Variants in DHX37 observed in about 807,000 individuals in gnomAD.
DHX37 encodes DEAH-box helicase 37, also known as probable ATP-dependent RNA helicase DHX37.
In DHX37, 52 loss-of-function variants were observed where a neutral mutation model predicts 134.3. That is an observed-to-expected ratio of 0.39 (90% CI 0.31 to 0.49). DHX37 has a LOEUF of 0.49. Ranked by LOEUF, DHX37 falls within the 20% of genes least tolerant of loss-of-function variation. The pLI is 0.93. For synonymous variants in DHX37, 634 were observed against 670.7 expected, an observed-to-expected ratio of 0.95 and a Z score of 0.85; for missense variants, 1,344 against 1,580.8, an observed-to-expected ratio of 0.85 and a Z score of 2.54.
intron 16 of DHX37, among the ~76,000 whole-genome samples, chr12:124,958,299 G>A (rs1295983684): frequency 6.6e-6 from 1 of 152,174 alleles, no homozygotes; most frequent in African/African-American, 2.4e-5. Flanking sequence ...GGCAATGCTA[G>A]GAACCCAGGT....
At position 124,956,833 on chromosome 12, in the gene DHX37, G is replaced by A. The variant is rs1954106841; in HGVS notation, c.2311C>T (p.Leu771=). 1.2e-6 allele frequency: 2 copies of A among 1,608,802 alleles called. No individual in the cohort carries two copies. Among genetic ancestry groups the A allele is most frequent in the African/African-American group, 1.3e-5 (1 of 74,660 alleles). ...ENRLSCPITA[L]GRTMATFPVA... ...GGGAATGTGGCCATTGTCCGGCCCAGCGCAGTGATGGGGCAGCTCAGCCGG... is the reference window on the plus strand; with the variant it reads ...GGGAATGTGGCCATTGTCCGGCCCAACGCAGTGATGGGGCAGCTCAGCCGG... Residue 771 remains leucine, a synonymous_variant, in exon 18 of 27, where the codon CTG becomes TTG. Transcript: ENST00000308736.
rs536894388 is a variant in DHX37, at chr12:124,956,632, G to A, written c.2453+59C>T. ...GCCTCCTGAGTAGCTGGGACTCTCA[G>A]CCCAGAGCCCCCGTCGGAACTGAGC... On this transcript the variant is annotated intron_variant, in intron 18 of 26. Coordinates refer to ENST00000308736, the MANE Select transcript of DHX37 (RefSeq NM_032656.4). 4 of 1,478,186 alleles carry A rather than the reference G, an allele frequency of 2.7e-6. No homozygotes were observed. In the East Asian group the frequency reaches 7.5e-5, roughly 28 times the overall value. 91.6% of individuals were successfully genotyped at this position (1,478,186 alleles called of 1,614,324 possible). A position where few individuals can be genotyped will look rare whatever the true frequency, so the allele number is the denominator to read the frequency against.
intron 8 of DHX37, among the ~76,000 whole-genome samples, chr12:124,970,712 G>A (rs1954500266): frequency 6.6e-6 from 1 of 152,234 alleles, no homozygotes; most frequent in Non-Finnish European, 1.5e-5. Flanking sequence ...GAACAAGACA[G>A]CGTCTTGTTC....
chr12:124,954,169 C>T lies in DHX37; in HGVS notation c.2496G>A (p.Lys832=). ...TCTTCATCTGGGCCACCCGGGCCCGCTTGCTCTTCAGCCTGGTGAGCTCCT... is the reference window on the plus strand; with the variant it reads ...TCTTCATCTGGGCCACCCGGGCCCGTTTGCTCTTCAGCCTGGTGAGCTCCT... The part of the protein sequence containing the change: ...SDEELTRLKS[K]RARVAQMKRT... Residue 832 remains lysine (K), a synonymous_variant, in exon 19 of 27, where the codon AAG becomes AAA. Coordinates refer to ENST00000308736, the MANE Select transcript of DHX37 (RefSeq NM_032656.4). 1 of 1,611,676 alleles carries T rather than the reference C, an allele frequency of 6.2e-7. No homozygotes were observed. Among genetic ancestry groups the T allele is most frequent in the Non-Finnish European group, 8.5e-7 (1 of 1,179,106 alleles).
intron 4 of DHX37, among the ~76,000 whole-genome samples, chr12:124,978,236 C>T (rs377559439): frequency 9.2e-5 from 14 of 151,976 alleles, no homozygotes; most frequent in African/African-American, 3.4e-4. Flanking sequence ...GCTGGGATTA[C>T]AGGCATGAGC....
At position 124,949,492 on chromosome 12, in the gene DHX37, G is replaced by A. The variant is rs970069323; in HGVS notation, c.3290+494C>T. ...CTGCTTAGCTGGGAGGAAGTCCCCAGGGCCAGGAGGGCAGGATGCCTCCCA... is the reference window on the plus strand; with the variant it reads ...CTGCTTAGCTGGGAGGAAGTCCCCAAGGCCAGGAGGGCAGGATGCCTCCCA... On this transcript the variant is annotated intron_variant, in intron 25 of 26. Coordinates refer to ENST00000308736, the MANE Select transcript of DHX37 (RefSeq NM_032656.4). The surrounding 1 kb of genome is among the most constrained non-coding windows in gnomAD (Gnocchi z 4.0). Among the ~76,000 whole-genome samples the A allele has an allele frequency of 9.2e-5, 14 of 152,126 alleles. No individual in the cohort carries two copies. Among genetic ancestry groups the A allele is most frequent in the Non-Finnish European group, 1.9e-4 (13 of 68,002 alleles).
chr12:124,955,876 C>G (rs1954082844), intron 18 of DHX37, among the ~76,000 whole-genome samples: 1 of 151,248 alleles, frequency 6.6e-6, no homozygotes, highest in Non-Finnish European at 1.5e-5. Context: ...ATGGAATGGC[C>G]CATGCAGTGA....
chr12:124,955,020 G>A (rs138827175), intron 18 of DHX37, among the ~76,000 whole-genome samples: 5 of 152,324 alleles, frequency 3.3e-5, no homozygotes, highest in South Asian at 2.1e-4. Flanking sequence ...CAGTCACCAC[G>A]CTACAGAGCC....
At chr12:124,947,972 G>A (rs539090491) in intron 26 of DHX37, 85 bp from the exon 27 acceptor site, 40 of 1,612,144 alleles carry the variant, frequency 2.5e-5, no homozygotes, top group Non-Finnish European at 2.1e-5. Context: ...GCCAGCAGCC[G>A]TGGGGCCAGA....
chr12:124,986,141 C>A lies in DHX37; in HGVS notation c.231G>T (p.Lys77Asn), dbSNP rs377538231. 2.2e-5 allele frequency: 35 copies of A among 1,614,100 alleles called. No individual in the cohort carries two copies. The highest frequency in any genetic ancestry group is 2.9e-5 in the Non-Finnish European group (34 of 1,180,048). ...GTTCTAAGATTTTCTGCAGCACTTT[C>A]TTCTCCTTCTTGGTCAGAGGCTTCT... is the stretch of plus-strand genomic sequence containing the variant. ...KEKKPLTKKE[K>N]KVLQKILEQK... Residue 77 changes from lysine to asparagine, a missense_variant, in exon 2 of 27, where the codon AAG (lysine) becomes AAT (asparagine). Around this residue, in one of 7 missense-constraint regions of DHX37, gnomAD observed 319 missense variants for 296.1 expected, o/e 1.08. Transcript: ENST00000308736.
rs376470858 is a variant in DHX37 at position 124,980,723 on chromosome 12, ACTCCTCCTC to A, written c.496_504del (p.Glu166_Glu168del). The A allele has an allele frequency of 7.7e-5, 118 of 1,533,472 alleles. No homozygotes were observed. Among genetic ancestry groups the A allele is most frequent in the Middle Eastern group, 5.1e-4 (3 of 5,846 alleles). 95.0% of individuals were successfully genotyped at this position (1,533,472 alleles called of 1,614,324 possible). Reference sequence around the variant, plus strand: ...GACTCCTCCTCCAGCTCCGATTCCGACTCCTCCTCCTCCTCCTCCTCCTCCTCAGCTGAG... The same window carrying A: ...GACTCCTCCTCCAGCTCCGATTCCGACTCCTCCTCCTCCTCCTCAGCTGAG... On this transcript the variant is annotated inframe_deletion, in exon 4 of 27. Coordinates refer to ENST00000308736, the MANE Select transcript of DHX37 (RefSeq NM_032656.4). This position sits in a 1 kb window ranked among gnomAD's most constrained non-coding sequence, Gnocchi z 5.3.
intron 12 of DHX37, among the ~76,000 whole-genome samples, chr12:124,966,569 G>A (rs1291253534): frequency 6.6e-6 from 1 of 152,174 alleles, no homozygotes; most frequent in African/African-American, 2.4e-5. Context: ...TCACCATGTT[G>A]CCCAAGCTGG....
intron 18 of DHX37, among the ~76,000 whole-genome samples, chr12:124,955,477 C>CT (rs982410902): frequency 2.0e-5 from 3 of 152,206 alleles, no homozygotes; most frequent in African/African-American, 7.2e-5. Flanking sequence ...ACCATGCCCG[C>CT]TTTTTGATTT....
At chr12:124,988,830 G>T in intron 1 of DHX37, 87 bp downstream of exon 1, 1 of 793,824 alleles carries the variant, frequency 1.3e-6, no homozygotes. Flanking sequence ...CCACCCCTCT[G>T]GGATCCCCAC....
intron 8 of DHX37, among the ~76,000 whole-genome samples, chr12:124,969,201 A>G (rs1240552895): frequency 1.3e-5 from 2 of 152,234 alleles, no homozygotes; most frequent in Admixed American, 1.3e-4. Flanking sequence ...ATGGTAGAAT[A>G]TGAGGCAGGT....
In DHX37 at chr12:124,950,566, G is replaced by A. The variant is rs1953957387; in HGVS notation, c.2984-16C>T. The A allele has an allele frequency of 2.6e-6, 4 of 1,545,232 alleles. No individual in the cohort carries two copies. Among genetic ancestry groups the A allele is most frequent in the South Asian group, 1.2e-5 (1 of 80,350 alleles). On this transcript the variant is annotated splice_polypyrimidine_tract_variant and intron_variant, in intron 22 of 26. Coordinates refer to ENST00000308736, the MANE Select transcript of DHX37 (RefSeq NM_032656.4). ...CTAGAGACGCCTGGGGGCCGGGGGAGGAAGCTGGGGTTACAGCGGCACCCT... is the reference window on the plus strand; with the variant it reads ...CTAGAGACGCCTGGGGGCCGGGGGAAGAAGCTGGGGTTACAGCGGCACCCT...
intron 7 of DHX37, 88 bp from the exon 8 acceptor site, chr12:124,971,503 G>A: frequency 1.3e-6 from 2 of 1,536,512 alleles, no homozygotes; most frequent in Non-Finnish European, 8.8e-7. Context: ...TGAGGAGACA[G>A]TGTTAGAGGA....
In DHX37 at chr12:124,949,962, C is replaced by A; in HGVS notation, c.3290+24G>T. On this transcript the variant is annotated intron_variant, in intron 25 of 26. Coordinates refer to ENST00000308736, the MANE Select transcript of DHX37 (RefSeq NM_032656.4). The surrounding 1 kb of genome is among the most constrained non-coding windows in gnomAD (Gnocchi z 4.0). ...GGCCTCGGACCCCTCCTGCCCACTG[C>A]GAGGCTCCCACCGAAGGCAGTACCT... 2.5e-6 allele frequency: 4 copies of A among 1,592,864 alleles called. No homozygotes were observed. The highest frequency in any genetic ancestry group is 2.6e-6 in the Non-Finnish European group (3 of 1,167,664).
chr12:124,954,201 T>G lies in DHX37; in HGVS notation c.2464A>C (p.Ser822Arg). ...TTCAGCCTGGTGAGCTCCTCGTCAC[T>G]GGCCGCTGGTCTGCAAACACACATA... ...LFEELDRPAA[S>R]DEELTRLKSK... The change falls in exon 19 of 27, where the codon AGT becomes CGT. Residue 822 changes from serine to arginine, a missense_variant. Around this residue, in one of 7 missense-constraint regions of DHX37, gnomAD observed 558 missense variants for 650.0 expected, o/e 0.86. Transcript: ENST00000308736. The G allele has an allele frequency of 6.3e-7, 1 of 1,597,670 alleles. No individual in the cohort carries two copies.
Sources: gnomAD v4.1 joint callset for allele counts (sites outside exome capture counted in the v4.1 genomes callset) on GRCh38, gnomAD v4.1.1 for gene constraint, gnomAD v4.1.1 regional missense constraint, Gnocchi (gnomAD v3.1) non-coding constraint, MANE v1.5 for transcripts, NCBI Gene and HGNC (gene_info 2026-07-23, HGNC 2026-07-21) for gene names.